RYR2: variants seen among roughly 807,000 people sequenced by gnomAD.
RYR2 encodes ryanodine receptor 2.
Under a neutral mutation model 601.1 loss-of-function variants are expected in RYR2, and 227 were observed. The observed-to-expected ratio is 0.38, with a 90% CI of 0.34 to 0.42. The LOEUF (loss-of-function observed/expected upper bound fraction) is 0.42. RYR2 is among the 10% of genes least tolerant of loss of function. RYR2 has a pLI of 1.00. For synonymous variants in RYR2, 2,223 were observed against 2,175.1 expected (o/e 1.02, Z -0.61); for missense variants, 4,646 against 6,156.5 (o/e 0.75, Z 8.21).
chr1:237,202,697 C>A (rs753019420), intron 1 of RYR2, among the ~76,000 whole-genome samples: 1 of 152,180 alleles, frequency 6.6e-6, no homozygotes, highest in African/African-American at 2.4e-5. Context: ...TGTGAGCCAC[C>A]GGGTCCGTCC....
rs541273898 is a variant in RYR2, at chr1:237,669,130, C to G, written c.8590+1172C>G. On this transcript the variant is annotated intron_variant, in intron 58 of 104. Transcript: ENST00000366574. Reference sequence around the variant, plus strand: ...CTGTTTAACAAAGCACATCTTGCACCGTCCTTAATCCATTTAACCCTGAGT... The same window carrying G: ...CTGTTTAACAAAGCACATCTTGCACGGTCCTTAATCCATTTAACCCTGAGT... Among the ~76,000 whole-genome samples, 7 of 139,802 alleles carry G rather than the reference C, an allele frequency of 5.0e-5. 2 individuals carry two copies. In the South Asian group the frequency reaches 1.8e-3, roughly 35 times the overall value. The allele number at this position is 139,802 out of a possible 152,430, so 91.7% of individuals were successfully genotyped here.
chr1:237,116,794 A>G (rs1558262505), intron 1 of RYR2, among the ~76,000 whole-genome samples: 1 of 152,066 alleles, frequency 6.6e-6, no homozygotes, highest in African/African-American at 2.4e-5. Context: ...TGAGGCAGAG[A>G]ACACAAGGGG....
chr1:237,392,100 A>G (rs963801332), intron 10 of RYR2, among the ~76,000 whole-genome samples: 2 of 152,160 alleles, frequency 1.3e-5, no homozygotes, highest in African/African-American at 4.8e-5. Context: ...AGAGCTCATT[A>G]GTATTAACTA....
chr1:237,807,187 C>CA (rs879651194), intron 99 of RYR2, among the ~76,000 whole-genome samples: 3 of 152,040 alleles, frequency 2.0e-5, no homozygotes, highest in Non-Finnish European at 4.4e-5. Context: ...GGTCTAGCGA[C>CA]AAAAAAGTCT....
At chr1:237,391,468 A>G (rs1702378266) in intron 10 of RYR2, among the ~76,000 whole-genome samples, 1 of 152,174 alleles carries the variant, frequency 6.6e-6, no homozygotes, top group African/African-American at 2.4e-5. Context: ...TTAACGTTAA[A>G]TAACTAAAGT....
At chr1:237,500,995 C>T in intron 21 of RYR2, 92 bp downstream of exon 21, 1 of 1,241,734 alleles carries the variant, frequency 8.1e-7, no homozygotes, top group Non-Finnish European at 1.2e-6. Context: ...TCTTCTCTAA[C>T]CATTGTTTGT....
intron 20 of RYR2, among the ~76,000 whole-genome samples, chr1:237,499,590 A>G: frequency 6.6e-6 from 1 of 152,132 alleles, no homozygotes; most frequent in East Asian, 1.9e-4. Context: ...TGCCTTTATT[A>G]TATTCAGGGA....
intron 27 of RYR2, among the ~76,000 whole-genome samples, chr1:237,566,035 T>C (rs1227547751): frequency 1.3e-5 from 2 of 152,198 alleles, no homozygotes. Flanking sequence ...TTGAGTTCCT[T>C]AGCCATCACC....
At chr1:237,809,158 C>T in intron 100 of RYR2, 123 bp downstream of exon 100, 1 of 920,518 alleles carries the variant, frequency 1.1e-6, no homozygotes, top group Non-Finnish European at 1.7e-6. Context: ...TAAAAAGTTG[C>T]AGGGCTGTTT....
chr1:237,449,676 T>C (rs80285902), intron 14 of RYR2, among the ~76,000 whole-genome samples: 4,858 of 152,234 alleles, frequency 0.032, 107 homozygotes, highest in Non-Finnish European at 0.053. Flanking sequence ...TAGACTCTTT[T>C]GGCTTTTGTA....
intron 27 of RYR2, among the ~76,000 whole-genome samples, chr1:237,553,346 T>A (rs1456848895): frequency 1.3e-5 from 2 of 152,032 alleles, no homozygotes; most frequent in African/African-American, 4.8e-5. Context: ...CAAATTAAAT[T>A]ACCTTGGCGT....
intron 1 of RYR2, among the ~76,000 whole-genome samples, chr1:237,045,174 G>T (rs1296489369): frequency 6.6e-6 from 1 of 152,128 alleles, no homozygotes; most frequent in Non-Finnish European, 1.5e-5. Flanking sequence ...GCAGGTCATT[G>T]TCTATTGGAT....
intron 12 of RYR2, among the ~76,000 whole-genome samples, chr1:237,436,013 G>C (rs1444168567): frequency 6.6e-6 from 1 of 152,154 alleles, no homozygotes; most frequent in Non-Finnish European, 1.5e-5. Flanking sequence ...GTAAGGAAGA[G>C]AGAACCAAGA....
intron 13 of RYR2, among the ~76,000 whole-genome samples, chr1:237,442,017 C>T (rs557402779): frequency 6.6e-6 from 1 of 152,276 alleles, no homozygotes; most frequent in East Asian, 1.9e-4. Context: ...AGTGCTGAAA[C>T]CATAGTAGGT....
At chr1:237,370,207 C>T (rs1395913190) in intron 6 of RYR2, among the ~76,000 whole-genome samples, 3 of 151,906 alleles carry the variant, frequency 2.0e-5, no homozygotes, top group Non-Finnish European at 4.4e-5. Context: ...TTAGCTATTA[C>T]ATATACAGCT....
intron 1 of RYR2, among the ~76,000 whole-genome samples, chr1:237,251,724 A>C (rs1447395717): frequency 6.6e-6 from 1 of 152,130 alleles, no homozygotes; most frequent in Non-Finnish European, 1.5e-5. Flanking sequence ...TTTTTCTTGA[A>C]TTCCAGATTT....
At chr1:237,719,999 A>G (rs1689588105) in intron 73 of RYR2, among the ~76,000 whole-genome samples, 1 of 152,252 alleles carries the variant, frequency 6.6e-6, no homozygotes, top group South Asian at 2.1e-4. Flanking sequence ...AGTTGGAATA[A>G]AAACATGGAT....
rs143073371 is a variant in RYR2 at position 237,422,823 on chromosome 1, G to A, written c.849-269G>A. 2.4e-3 allele frequency among the ~76,000 whole-genome samples: 370 copies of A among 152,248 alleles called. 4 individuals carry two copies. The highest frequency in any genetic ancestry group is 8.4e-3 in the African/African-American group (350 of 41,552). ...TTGTTATCTTTGCATAGAATAGGGC[G>A]CTGTGTGGATGGTACGGCATTTAAG... On this transcript the variant is annotated intron_variant, in intron 11 of 104. Coordinates refer to ENST00000366574, the MANE Select transcript of RYR2 (RefSeq NM_001035.3).
chr1:237,425,401 C>T (rs952149849), intron 12 of RYR2, among the ~76,000 whole-genome samples: 1 of 152,074 alleles, frequency 6.6e-6, no homozygotes, highest in Admixed American at 6.6e-5. Flanking sequence ...GTGGCTTACA[C>T]CTGTAATCCC....
Sources: allele counts gnomAD v4.1 joint callset (sites outside exome capture counted in the v4.1 genomes callset), GRCh38; gene constraint gnomAD v4.1.1; transcripts MANE v1.5; gene names NCBI Gene and HGNC (gene_info 2026-07-23, HGNC 2026-07-21).